PRDM2: variants seen among roughly 807,000 people sequenced by gnomAD.
The protein encoded by PRDM2 is PR/SET domain 2.
Under a neutral mutation model 130.0 loss-of-function variants are expected in PRDM2, and 30 were observed. That is an observed-to-expected ratio of 0.23 (90% confidence interval 0.17 to 0.31). The LOEUF (loss-of-function observed/expected upper bound fraction) is 0.31. Among genes scored for constraint, PRDM2 ranks in the 10% least tolerant of loss-of-function variants. The probability of loss-of-function intolerance (pLI) is 1.00; values close to 1 mark genes in which losing one functional copy is unlikely to be tolerated. For synonymous variants in PRDM2, 871 were observed against 782.4 expected, an observed-to-expected ratio of 1.11 and a Z score of -1.89; for missense variants, 2,011 against 2,108.4, an observed-to-expected ratio of 0.95 and a Z score of 0.90.
At chr1:13,792,387 G>T (rs1644854272) in intron 8 of PRDM2, among the ~76,000 whole-genome samples, 1 of 152,246 alleles carries the variant, frequency 6.6e-6, no homozygotes, top group South Asian at 2.1e-4. Context: ...AGTTGAATTT[G>T]TCGTAGCATT....
intron 8 of PRDM2, among the ~76,000 whole-genome samples, chr1:13,795,146 T>TAA (rs1423213151): frequency 1.3e-5 from 2 of 152,212 alleles, no homozygotes; most frequent in African/African-American, 4.8e-5. Context: ...AAAGGTAAGT[T>TAA]AAGAAGAAAG....
intron 2 of PRDM2, among the ~76,000 whole-genome samples, chr1:13,727,603 T>A (rs749621350): frequency 6.6e-6 from 1 of 152,216 alleles, no homozygotes; most frequent in Non-Finnish European, 1.5e-5. Context: ...ATGTGTCCCC[T>A]TTTTTGTGCT....
intron 8 of PRDM2, among the ~76,000 whole-genome samples, chr1:13,794,558 C>T (rs1369652902): frequency 1.3e-5 from 2 of 152,188 alleles, no homozygotes; most frequent in South Asian, 2.1e-4. Context: ...GCAAGTTACT[C>T]AACCTCTCCG....
chr1:13,751,080 A>G (rs1317859497), intron 6 of PRDM2, among the ~76,000 whole-genome samples: 1 of 152,180 alleles, frequency 6.6e-6, no homozygotes, highest in South Asian at 2.1e-4. Flanking sequence ...TTTAGTGTGC[A>G]TGTTTAGAAC....
chr1:13,746,101 T>C (rs938257557), intron 5 of PRDM2, among the ~76,000 whole-genome samples: 1 of 152,246 alleles, frequency 6.6e-6, no homozygotes, highest in African/African-American at 2.4e-5. Context: ...TATATGCTGA[T>C]GTTTAAAGGA....
intron 6 of PRDM2, chr1:13,769,131 G>A: frequency 1.0e-6 from 1 of 985,600 alleles, no homozygotes; most frequent in Admixed American, 6.1e-5. Flanking sequence ...AAGCGGAGCA[G>A]CCAGCTGGCA....
Position 13,787,680 on chromosome 1 carries a change from A to C in PRDM2, c.5036+4849A>C, listed in dbSNP as rs1377084203. On this transcript the variant is annotated intron_variant, in intron 8 of 9. Coordinates refer to ENST00000311066, the MANE Select transcript of PRDM2 (RefSeq NM_001393986.1). ...TTATTTAAATTGTTTTGGACGCTTC[A>C]ATTGTATTATATGTGATTTACATTT... 8 of 982,474 alleles carry C rather than the reference A, an allele frequency of 8.1e-6. No individual in the cohort carries two copies. In the South Asian group the frequency reaches 1.4e-4, roughly 17 times the overall value. The allele number at this position is 982,474 out of a possible 1,614,324, so 60.9% of individuals were successfully genotyped here. A position where few individuals can be genotyped will look rare whatever the true frequency, so the allele number is the denominator to read the frequency against.
intron 4 of PRDM2, among the ~76,000 whole-genome samples, chr1:13,736,356 A>T (rs1643272961): frequency 6.6e-6 from 1 of 152,024 alleles, no homozygotes; most frequent in Admixed American, 6.6e-5. Context: ...TCATGGGCTC[A>T]AGCGATCTGC....
At chr1:13,789,982 G>A (rs906274257) in intron 8 of PRDM2, among the ~76,000 whole-genome samples, 1 of 152,200 alleles carries the variant, frequency 6.6e-6, no homozygotes, top group Non-Finnish European at 1.5e-5. Flanking sequence ...TTGAGCGTAT[G>A]TTCGAGGGCC....
At chr1:13,786,772 A>G in intron 8 of PRDM2, 2 of 1,341,554 alleles carry the variant, frequency 1.5e-6, no homozygotes, top group Non-Finnish European at 1.9e-6. Context: ...AGGGCACTGT[A>G]AGACAGGCCA....
Position 13,781,344 on chromosome 1 carries a change from G to T in PRDM2, c.3549G>T (p.Leu1183Phe). 1 of 1,613,734 alleles carries T rather than the reference G, an allele frequency of 6.2e-7. No homozygotes were observed. Among genetic ancestry groups the T allele is most frequent in the South Asian group, 1.1e-5 (1 of 90,978 alleles). ...CGGACTTGTCAGAACATCGCTTTTT[G>T]CTTCATGGAGTTGGGAATATCTTTG... ...DKTDLSEHRFLLHGVGNIFVC... is the reference protein window; with the variant it reads ...DKTDLSEHRFFLHGVGNIFVC... The change falls in exon 8 of 10, where the codon TTG becomes TTT. Residue 1183 changes from leucine to phenylalanine, a missense_variant. Coordinates refer to ENST00000311066, the MANE Select transcript of PRDM2 (RefSeq NM_001393986.1). This position sits in a 1 kb window ranked among gnomAD's most constrained non-coding sequence, Gnocchi z 6.1.
At chr1:13,711,176 G>C (rs1490150811) in intron 1 of PRDM2, among the ~76,000 whole-genome samples, 1 of 152,038 alleles carries the variant, frequency 6.6e-6, no homozygotes, top group Non-Finnish European at 1.5e-5. Flanking sequence ...CTGCTGGATT[G>C]ATCATTCCGT....
At chr1:13,725,926 T>C (rs545264553) in intron 2 of PRDM2, among the ~76,000 whole-genome samples, 42 of 152,358 alleles carry the variant, frequency 2.8e-4, no homozygotes, top group African/African-American at 1.0e-3. Flanking sequence ...TTCAAAACTA[T>C]GTAGCTTGGG....
Position 13,781,821 on chromosome 1 carries a change from C to G in PRDM2, c.4026C>G (p.Val1342=). 6.2e-7 allele frequency: 1 copy of G among 1,614,110 alleles called. No homozygotes were observed. The highest frequency in any genetic ancestry group is 8.5e-7 in the Non-Finnish European group (1 of 1,180,018). The stretch of plus-strand genomic sequence containing the variant: ...GCTGCACAAAGTGTGGAAAAGGTGT[C>G]GACAATATGCCGGAGTTGCACAAAC... ...AIRCTKCGKG[V]DNMPELHKHI... is the part of the protein sequence containing the mutation. Residue 1342 remains valine, a synonymous_variant, in exon 8 of 10, where the codon GTC becomes GTG. Coordinates refer to ENST00000311066, the MANE Select transcript of PRDM2 (RefSeq NM_001393986.1). The surrounding 1 kb of genome is among the most constrained non-coding windows in gnomAD (Gnocchi z 6.1).
At chr1:13,762,298 T>G (rs1644118402) in intron 6 of PRDM2, among the ~76,000 whole-genome samples, 1 of 152,250 alleles carries the variant, frequency 6.6e-6, no homozygotes, top group Non-Finnish European at 1.5e-5. Flanking sequence ...TTCATGCTAT[T>G]TCACTTTTAT....
At chr1:13,802,468 G>A (rs1645023630) in intron 8 of PRDM2, among the ~76,000 whole-genome samples, 1 of 152,174 alleles carries the variant, frequency 6.6e-6, no homozygotes, top group African/African-American at 2.4e-5. Flanking sequence ...GTGGGCATCA[G>A]GCATCATGTT....
At chr1:13,783,150 C>T (rs1286209705) in intron 8 of PRDM2, 1 of 553,688 alleles carries the variant, frequency 1.8e-6, no homozygotes. Context: ...TCCTTTATGT[C>T]TTGGGTAATA....
intron 2 of PRDM2, among the ~76,000 whole-genome samples, chr1:13,719,987 GT>G (rs1246194073): frequency 6.6e-6 from 1 of 152,052 alleles, no homozygotes; most frequent in African/African-American, 2.4e-5. Flanking sequence ...ACTATGAATT[GT>G]TCTTAATATT....
intron 8 of PRDM2, among the ~76,000 whole-genome samples, chr1:13,788,247 C>T (rs549980816): frequency 7.2e-5 from 11 of 152,346 alleles, no homozygotes; most frequent in African/African-American, 2.2e-4. Flanking sequence ...TGAATATGTG[C>T]TCATTCCAGT....
Sources: gnomAD v4.1 joint callset for allele counts (sites outside exome capture counted in the v4.1 genomes callset) on GRCh38, gnomAD v4.1.1 for gene constraint, Gnocchi (gnomAD v3.1) non-coding constraint, MANE v1.5 for transcripts, NCBI Gene and HGNC (gene_info 2026-07-23, HGNC 2026-07-21) for gene names.